TMEM175: variants seen among roughly 807,000 people sequenced by gnomAD.
The protein encoded by TMEM175 is endosomal/lysosomal proton channel TMEM175.
A neutral mutation model predicts 36.5 loss-of-function variants in TMEM175; 36 were observed. The observed-to-expected ratio is 0.99, with a 90% CI of 0.76 to 1.30. TMEM175 has a LOEUF of 1.30. TMEM175 is among the 50% of genes most tolerant of loss of function. The pLI, the probability that TMEM175 is intolerant of heterozygous loss-of-function variation, is 0.00. For missense variants in TMEM175, 705 were observed against 692.8 expected, an observed-to-expected ratio of 1.02 and a Z score of -0.20; for synonymous variants, 339 against 313.4, an observed-to-expected ratio of 1.08 and a Z score of -0.86.
At chr4:934,467 G>A (rs1726576813) in intron 1 of TMEM175, among the ~76,000 whole-genome samples, 1 of 151,682 alleles carries the variant, frequency 6.6e-6, no homozygotes, top group Non-Finnish European at 1.5e-5. Flanking sequence ...TTATTCACAA[G>A]GGATCATTGG....
chr4:958,149 C>T lies in TMEM175; in HGVS notation c.1168C>T (p.Gln390Ter), dbSNP rs778024898. 3.1e-6 allele frequency: 5 copies of T among 1,603,354 alleles called. No homozygotes were observed. In the South Asian group the frequency reaches 5.5e-5, roughly 18 times the overall value. The change falls in exon 11 of 11, where the codon CAG becomes TAG. Residue 390 changes from glutamine to a stop codon, truncating the protein, a stop_gained. Coordinates refer to ENST00000264771, the MANE Select transcript of TMEM175 (RefSeq NM_032326.4). LOFTEE classifies it low-confidence loss of function (END_TRUNC). ...CTIIFLASIF[Q>*]LAMWTTALLH... ...CATCATCTTCCTGGCCAGCATCTTC[C>T]AGCTGGCCATGTGGACCACGGCGCT...
rs754605996 is a variant in TMEM175 at position 957,920 on chromosome 4, C to T, written c.939C>T (p.Tyr313=). Reference sequence around the variant, plus strand: ...CGACCGGGCCGCGCTTCCTGGCGTACTTCGGCTCCTTCGCCACAGTGGGAC... The same window carrying T: ...CGACCGGGCCGCGCTTCCTGGCGTATTTCGGCTCCTTCGCCACAGTGGGAC... ...LSATGPRFLA[Y]FGSFATVGLL... is the part of the protein sequence containing the mutation. Residue 313 remains tyrosine, a synonymous_variant, in exon 11 of 11, where the codon TAC becomes TAT. Transcript: ENST00000264771. The T allele has an allele frequency of 4.3e-6, 7 of 1,612,898 alleles. No individual in the cohort carries two copies. The highest frequency in any genetic ancestry group is 1.6e-4 in the Middle Eastern group (1 of 6,062).
Position 947,746 on chromosome 4 carries a change from C to T in TMEM175, c.7C>T (p.Gln3Ter). The T allele has an allele frequency of 6.2e-7, 1 of 1,605,898 alleles. No individual in the cohort carries two copies. Among genetic ancestry groups the T allele is most frequent in the Non-Finnish European group, 8.5e-7 (1 of 1,175,522 alleles). ...GCCAGGCAGCGGCCCCGCCATGTCC[C>T]AGCCCCGGACCCCAGAGCAGGCACT... MS[Q>*]PRTPEQALDT... Residue 3 changes from glutamine (Q) to a stop codon, truncating the protein, a stop_gained, in exon 2 of 11, where the codon CAG becomes TAG. Coordinates refer to ENST00000264771, the MANE Select transcript of TMEM175 (RefSeq NM_032326.4). LOFTEE classifies it high-confidence loss of function.
At chr4:949,991 G>A (rs1182991143) in intron 3 of TMEM175, among the ~76,000 whole-genome samples, 1 of 152,154 alleles carries the variant, frequency 6.6e-6, no homozygotes, top group East Asian at 1.9e-4. Flanking sequence ...TCGTGACCTG[G>A]TGCTTTTGCC....
At chr4:946,283 C>A (rs1377447677) in intron 1 of TMEM175, among the ~76,000 whole-genome samples, 1 of 152,254 alleles carries the variant, frequency 6.6e-6, no homozygotes, top group Non-Finnish European at 1.5e-5. Flanking sequence ...CACACTGCTG[C>A]CCTCTTCCCT....
intron 1 of TMEM175, among the ~76,000 whole-genome samples, chr4:933,188 G>T (rs1726268949): frequency 6.6e-6 from 1 of 152,184 alleles, no homozygotes; most frequent in South Asian, 2.1e-4. Flanking sequence ...GGAGTGGGTA[G>T]CAGGAGGTGA....
In TMEM175 at chr4:955,865, G is replaced by A. The variant is rs1390498334; in HGVS notation, c.817G>A (p.Ala273Thr). 4 of 1,613,826 alleles carry A rather than the reference G, an allele frequency of 2.5e-6. No homozygotes were observed. The highest frequency in any genetic ancestry group is 1.6e-4 in the Middle Eastern group (1 of 6,084). ...AFSDGVYAIV[A>T]TLLILDICED... ...CAGCGACGGAGTCTACGCCATCGTG[G>A]CCACGCTTCTCATCCTGGACATCTG... The change falls in exon 10 of 11, where the codon GCC (alanine) becomes ACC (threonine). Residue 273 changes from alanine (A) to threonine (T), a missense_variant. Ala to Thr is a moderately conservative substitution (Grantham distance 58). Coordinates refer to ENST00000264771, the MANE Select transcript of TMEM175 (RefSeq NM_032326.4).
In TMEM175 at chr4:935,036, A is replaced by C. The variant is rs148056451; in HGVS notation, c.-32+2496A>C. On this transcript the variant is annotated intron_variant, in intron 1 of 10. Transcript: ENST00000264771. ...ACCCAAGATTTAAGCAGTGTCAAAA[A>C]GATCTAAAATAGCTATTATGAGAAA... Among the ~76,000 whole-genome samples the C allele has an allele frequency of 4.6e-5, 7 of 152,356 alleles. No individual in the cohort carries two copies. In the East Asian group the frequency reaches 1.3e-3, roughly 29 times the overall value.
Position 958,579 on chromosome 4 carries a change from G to C in TMEM175, c.*83G>C. 8.3e-7 allele frequency: 1 copy of C among 1,210,712 alleles called. No individual in the cohort carries two copies. Among genetic ancestry groups the C allele is most frequent in the Admixed American group, 2.9e-5 (1 of 33,926 alleles). The allele number at this position is 1,210,712 out of a possible 1,614,324, so 75.0% of individuals were successfully genotyped here. On this transcript the variant is annotated 3_prime_UTR_variant, in exon 11 of 11. Coordinates refer to ENST00000264771, the MANE Select transcript of TMEM175 (RefSeq NM_032326.4). ...TGCTGGGCAGGGGAAGCCAAGTCAC[G>C]GGCAGGCCGCAGTGGTTCTTGCGTG...
At chr4:941,174 A>G (rs565779614) in intron 1 of TMEM175, among the ~76,000 whole-genome samples, 9 of 150,718 alleles carry the variant, frequency 6.0e-5, no homozygotes, top group East Asian at 2.0e-4. Context: ...TCAGGAGTTC[A>G]AGACCATCCT....
Position 934,633 on chromosome 4 carries a change from C to T in TMEM175, c.-32+2093C>T, listed in dbSNP as rs925107344. On this transcript the variant is annotated intron_variant, in intron 1 of 10. Transcript: ENST00000264771. The stretch of plus-strand genomic sequence containing the variant: ...ATGAACAACTTCAGGCCAACAAATT[C>T]GGCACCCTTAGCTCCAGGGAGCTAC... Among the ~76,000 whole-genome samples the T allele has an allele frequency of 7.9e-5, 12 of 152,140 alleles. 1 individual carries two copies. Among genetic ancestry groups the T allele is most frequent in the Admixed American group, 2.6e-4 (4 of 15,272 alleles).
intron 6 of TMEM175, 61 bp downstream of exon 6, chr4:951,778 G>A (rs1728922111): frequency 2.5e-6 from 4 of 1,570,484 alleles, no homozygotes; most frequent in East Asian, 2.2e-5. Flanking sequence ...GATTTGACCT[G>A]TCCTCAAAAG....
At position 954,346 on chromosome 4, in the gene TMEM175, G is replaced by C. The variant is rs111361332; in HGVS notation, c.627+992G>C. On this transcript the variant is annotated intron_variant, in intron 8 of 10. Coordinates refer to ENST00000264771, the MANE Select transcript of TMEM175 (RefSeq NM_032326.4). ...GTGTCAGGACAGTAAACATCAAACA[G>C]TGTTTGGAGGAGGAGCCCCTGGGGA... is the stretch of plus-strand genomic sequence containing the variant. Among the ~76,000 whole-genome samples the C allele has an allele frequency of 2.5e-4, 38 of 152,350 alleles. 1 individual carries two copies. The highest frequency in any genetic ancestry group is 7.9e-4 in the African/African-American group (33 of 41,586).
chr4:944,061 G>A (rs1727842032), intron 1 of TMEM175, among the ~76,000 whole-genome samples: 1 of 152,218 alleles, frequency 6.6e-6, no homozygotes, highest in South Asian at 2.1e-4. Flanking sequence ...GGGAGGCCAA[G>A]GTAGGTGGAT....
rs1726179826 is a variant in TMEM175, at chr4:932,840, G to A, written c.-32+300G>A. ...GTTGGCAGCCCCCTCCCAGCAGCCAGGCAGGCAGTTTGCAGGGGAAACGCT... is the reference window on the plus strand; with the variant it reads ...GTTGGCAGCCCCCTCCCAGCAGCCAAGCAGGCAGTTTGCAGGGGAAACGCT... On this transcript the variant is annotated intron_variant, in intron 1 of 10. Coordinates refer to ENST00000264771, the MANE Select transcript of TMEM175 (RefSeq NM_032326.4). This position sits in a 1 kb window ranked among gnomAD's most constrained non-coding sequence, Gnocchi z 4.0. Among the ~76,000 whole-genome samples, 1 of 152,252 alleles carries A rather than the reference G, an allele frequency of 6.6e-6. No individual in the cohort carries two copies. The highest frequency in any genetic ancestry group is 1.5e-5 in the Non-Finnish European group (1 of 68,038).
chr4:955,614 G>A (rs1009916041), intron 9 of TMEM175, 131 bp downstream of exon 9: 62 of 1,441,336 alleles, frequency 4.3e-5, no homozygotes, highest in East Asian at 2.2e-4. Flanking sequence ...CCCCCACTCC[G>A]CCCCTCGGGC....
At chr4:956,042 C>T in intron 10 of TMEM175, 152 bp downstream of exon 10, 1 of 1,025,048 alleles carries the variant, frequency 9.8e-7, no homozygotes, top group Non-Finnish European at 1.4e-6. Flanking sequence ...AGGGCAGCCC[C>T]CACTTCAGGG....
chr4:955,624 C>T (rs1419045164), intron 9 of TMEM175, 131 bp from the exon 10 acceptor site: 10 of 1,457,440 alleles, frequency 6.9e-6, no homozygotes, highest in South Asian at 6.4e-5. Context: ...GCCCCTCGGG[C>T]GTCCCTGTCC....
chr4:948,298 T>C (rs1164686584), intron 3 of TMEM175, 144 bp downstream of exon 3: 1 of 1,561,612 alleles, frequency 6.4e-7, no homozygotes, highest in African/African-American at 1.4e-5. Context: ...GGGGCCTCCT[T>C]GGAAAGGGAG....
Sources: gnomAD v4.1 joint callset for allele counts (sites outside exome capture counted in the v4.1 genomes callset) on GRCh38, gnomAD v4.1.1 for gene constraint, Gnocchi (gnomAD v3.1) non-coding constraint, MANE v1.5 for transcripts, NCBI Gene and HGNC (gene_info 2026-07-23, HGNC 2026-07-21) for gene names.